The following NFATC1 variants were observed in gnomAD, a reference collection of about 807,000 sequenced individuals.
The protein encoded by NFATC1 is nuclear factor of activated T-cells, cytoplasmic 1.
In NFATC1, 22 loss-of-function variants were observed where a neutral mutation model predicts 76.0. That is an observed-to-expected ratio of 0.29 (90% CI 0.21 to 0.41). The LOEUF (loss-of-function observed/expected upper bound fraction) is 0.41, where lower values mean the gene tolerates loss of function less well. Ranked by LOEUF, NFATC1 falls within the 10% of genes least tolerant of loss-of-function variation. The pLI, the probability that NFATC1 is intolerant of heterozygous loss-of-function variation, is 1.00. For synonymous variants in NFATC1, 704 were observed against 613.1 expected (o/e 1.15, Z -2.19); for missense variants, 1,357 against 1,337.7 (o/e 1.01, Z -0.23).
chr18:79,399,035 C>T (rs9953045), intron 1 of NFATC1, among the ~76,000 whole-genome samples: 3,136 of 152,342 alleles, frequency 0.021, 108 homozygotes, highest in African/African-American at 0.072. Context: ...CCACTGCACT[C>T]CAGCCTGGGT....
intron 9 of NFATC1, among the ~76,000 whole-genome samples, chr18:79,511,520 C>T (rs2090253351): frequency 6.6e-6 from 1 of 152,042 alleles, no homozygotes; most frequent in South Asian, 2.1e-4. Flanking sequence ...TGTGAGGGCA[C>T]CAGGGCCATG....
At chr18:79,429,736 A>G (rs145161896) in intron 2 of NFATC1, among the ~76,000 whole-genome samples, 10 of 152,296 alleles carry the variant, frequency 6.6e-5, no homozygotes, top group Admixed American at 2.0e-4. Flanking sequence ...ACCAAAACCA[A>G]TCATCTTAAT....
chr18:79,410,924 C>G lies in NFATC1; in HGVS notation c.649C>G (p.Pro217Ala), dbSNP rs1255532273. 3.7e-6 allele frequency: 6 copies of G among 1,605,752 alleles called. No homozygotes were observed. Among genetic ancestry groups the G allele is most frequent in the Non-Finnish European group, 5.1e-6 (6 of 1,177,236 alleles). ...SPCVSPKTTD[P>A]EEGFPRGLGA... ...CTGCGTGTCTCCCAAGACCACGGAC[C>G]CCGAGGAGGGCTTTCCCCGCGGGCT... is the stretch of plus-strand genomic sequence containing the variant. The change falls in exon 2 of 10, where the codon CCC becomes GCC. Residue 217 changes from proline (P) to alanine (A), a missense_variant. Around this residue, in one of 3 missense-constraint regions of NFATC1, gnomAD observed 691 missense variants for 613.1 expected, o/e 1.13. Coordinates refer to ENST00000427363, the MANE Select transcript of NFATC1 (RefSeq NM_001278669.2). This position sits in a 1 kb window ranked among gnomAD's most constrained non-coding sequence, Gnocchi z 6.7.
chr18:79,435,201 A>T (rs2086728423), intron 3 of NFATC1, among the ~76,000 whole-genome samples: 1 of 152,190 alleles, frequency 6.6e-6, no homozygotes, highest in Non-Finnish European at 1.5e-5. Flanking sequence ...GCTGTAAATT[A>T]TGTCGGTGAG....
chr18:79,466,818 A>T (rs561008994), intron 7 of NFATC1, among the ~76,000 whole-genome samples: 2 of 152,246 alleles, frequency 1.3e-5, no homozygotes, highest in East Asian at 3.9e-4. Flanking sequence ...CGTCTCCAGG[A>T]AGCACCTGCT....
intron 2 of NFATC1, among the ~76,000 whole-genome samples, chr18:79,416,474 C>CTGTCCAGACCTCCA (rs75013554): frequency 1.3e-5 from 2 of 151,826 alleles, no homozygotes; most frequent in African/African-American, 2.4e-5. Flanking sequence ...TGGAGCCAGA[C>CTGTCCAGACCTCCA]TGTCCGCGGG....
rs1435468989 is a variant in NFATC1, at chr18:79,396,054, C to A, written c.-171C>A. ...AGCCACCGCGCAGGTCCTAGGGCCG[C>A]GGCCGGGCCCCGCCACGCGCGCACA... On this transcript the variant is annotated 5_prime_UTR_variant, in exon 1 of 10. Transcript: ENST00000427363. The A allele has an allele frequency of 5.1e-6, 4 of 788,646 alleles. No individual in the cohort carries two copies. The South Asian group carries it at 1.5e-4, about 30-fold the overall frequency. The allele number at this position is 788,646 out of a possible 1,614,324, so 48.9% of individuals were successfully genotyped here. A position where few individuals can be genotyped will look rare whatever the true frequency, so the allele number is the denominator to read the frequency against.
rs186459888 is a variant in NFATC1, at chr18:79,485,087, G to T, written c.2093-1161G>T. Among the ~76,000 whole-genome samples, 626 of 152,314 alleles carry T rather than the reference G, an allele frequency of 4.1e-3. 3 individuals are homozygous for T. Among genetic ancestry groups the T allele is most frequent in the African/African-American group, 0.014 (596 of 41,572 alleles). On this transcript the variant is annotated intron_variant, in intron 8 of 9. Coordinates refer to ENST00000427363, the MANE Select transcript of NFATC1 (RefSeq NM_001278669.2). ...AGGCTGCCAGGCTCTCTGTGGTGGC[G>T]ACTGTTTGCACCGGGAGCCTGTGTA...
At chr18:79,445,783 A>G (rs1336578487) in intron 3 of NFATC1, among the ~76,000 whole-genome samples, 1 of 152,214 alleles carries the variant, frequency 6.6e-6, no homozygotes, top group African/African-American at 2.4e-5. Flanking sequence ...GTTTCTGTGC[A>G]GCAGCTCAGA....
chr18:79,504,514 G>A (rs2090082010), intron 9 of NFATC1, among the ~76,000 whole-genome samples: 1 of 152,092 alleles, frequency 6.6e-6, no homozygotes, highest in Non-Finnish European at 1.5e-5. Context: ...AATGACAACA[G>A]TAACCCCAAA....
intron 6 of NFATC1, among the ~76,000 whole-genome samples, chr18:79,455,344 C>A (rs1006250929): frequency 6.6e-6 from 1 of 152,140 alleles, no homozygotes; most frequent in Non-Finnish European, 1.5e-5. Flanking sequence ...GTTTCTGTGG[C>A]CGCCGTGACT....
intron 3 of NFATC1, among the ~76,000 whole-genome samples, chr18:79,438,673 G>A (rs2086866255): frequency 6.6e-6 from 1 of 152,234 alleles, no homozygotes; most frequent in African/African-American, 2.4e-5. Context: ...CTGCAAAGAG[G>A]TGAGGGCGGG....
intron 8 of NFATC1, among the ~76,000 whole-genome samples, chr18:79,472,115 A>G (rs1246917944): frequency 3.3e-5 from 5 of 151,988 alleles, no homozygotes; most frequent in African/African-American, 1.2e-4. Context: ...CACCCCAGCG[A>G]TCATCACGGG....
chr18:79,522,718 G>A (rs1032577837), intron 9 of NFATC1, among the ~76,000 whole-genome samples: 18 of 152,156 alleles, frequency 1.2e-4, no homozygotes, highest in Non-Finnish European at 1.8e-4. Context: ...AGGGACGGGG[G>A]CCAGATTTGG....
intron 9 of NFATC1, among the ~76,000 whole-genome samples, chr18:79,520,316 G>A (rs971685794): frequency 4.6e-5 from 7 of 151,786 alleles, no homozygotes; most frequent in East Asian, 1.9e-4. Flanking sequence ...GGTGTGTCTC[G>A]GTGTTGATTT....
intron 9 of NFATC1, among the ~76,000 whole-genome samples, chr18:79,499,211 G>A (rs142031194): frequency 1.7e-3 from 252 of 152,336 alleles, no homozygotes; most frequent in African/African-American, 5.9e-3. Flanking sequence ...AAAGGAAGGG[G>A]TGGGGAAGGA....
At chr18:79,430,142 T>C (rs8095551) in intron 2 of NFATC1, among the ~76,000 whole-genome samples, 42,978 of 152,184 alleles carry the variant, frequency 0.28, 6,644 homozygotes, top group African/African-American at 0.42. Flanking sequence ...GAATGTGTCC[T>C]TGTCATAAAG....
rs1381932134 is a variant in NFATC1 at position 79,412,483 on chromosome 18, A to G, written c.1226+982A>G. ...CCCCACCCCCCACTCCTTTTTTATT[A>G]GCGAGCACTCAGGGGGCGAGACCCC... On this transcript the variant is annotated intron_variant, in intron 2 of 9. Coordinates refer to ENST00000427363, the MANE Select transcript of NFATC1 (RefSeq NM_001278669.2). Among the ~76,000 whole-genome samples the G allele has an allele frequency of 4.8e-5, 6 of 123,764 alleles. No individual in the cohort carries two copies. The Admixed American group carries it at 5.1e-4, about 10-fold the overall frequency. The allele number at this position is 123,764 out of a possible 152,430, so 81.2% of individuals were successfully genotyped here.
intron 9 of NFATC1, among the ~76,000 whole-genome samples, chr18:79,515,430 C>T (rs575621866): frequency 1.3e-5 from 2 of 151,580 alleles, no homozygotes; most frequent in African/African-American, 4.8e-5. Context: ...CCCTGGCCCA[C>T]AGGATACCTG....
Sources: gnomAD v4.1 joint callset for allele counts (sites outside exome capture counted in the v4.1 genomes callset) on GRCh38, gnomAD v4.1.1 for gene constraint, gnomAD v4.1.1 regional missense constraint, Gnocchi (gnomAD v3.1) non-coding constraint, MANE v1.5 for transcripts, NCBI Gene and HGNC (gene_info 2026-07-23, HGNC 2026-07-21) for gene names.